Variants in EMG1 observed in about 807,000 individuals in gnomAD.
The protein encoded by EMG1 is ribosomal RNA small subunit methyltransferase NEP1.
A neutral mutation model predicts 26.9 loss-of-function variants in EMG1; 24 were observed. The observed-to-expected ratio is 0.89, with a 90% CI of 0.65 to 1.26. The LOEUF is 1.26. Ranked by LOEUF, EMG1 falls within the 50% of genes most tolerant of loss-of-function variation. EMG1 has a pLI of 0.00. For missense variants in EMG1, 299 were observed against 307.6 expected (o/e 0.97, Z 0.21); for synonymous variants, 140 against 112.6 (o/e 1.24, Z -1.54).
intron 6 of EMG1, among the ~76,000 whole-genome samples, chr12:6,986,228 A>C (rs1946524708): frequency 6.6e-6 from 1 of 152,172 alleles, no homozygotes; most frequent in Non-Finnish European, 1.5e-5. Flanking sequence ...CTGAGATGGC[A>C]ACCCTTTCTC....
At chr12:6,973,325 G>C (rs1946355125) in intron 1 of EMG1, among the ~76,000 whole-genome samples, 1 of 151,980 alleles carries the variant, frequency 6.6e-6, no homozygotes, top group Non-Finnish European at 1.5e-5. Flanking sequence ...GTGCCACCAT[G>C]CCCAGCTAAT....
At chr12:6,980,997 C>T, downstream of EMG1, 4 of 1,580,246 alleles carry the variant, frequency 2.5e-6, no homozygotes, top group African/African-American at 4.1e-5. Flanking sequence ...CCAAGAGGGG[C>T]AATTACCTGT....
intron 1 of EMG1, among the ~76,000 whole-genome samples, chr12:6,972,694 C>A (rs782795481): frequency 2.5e-4 from 38 of 152,174 alleles, no homozygotes. Flanking sequence ...CCATCCTGCC[C>A]TGCTTACTCC....
At chr12:6,985,766 C>G (rs1292851037) in intron 6 of EMG1, among the ~76,000 whole-genome samples, 1 of 150,046 alleles carries the variant, frequency 6.7e-6, no homozygotes, top group Non-Finnish European at 1.5e-5. Context: ...CCAGGATCAA[C>G]TGGTGTTTTT....
downstream of EMG1, chr12:6,982,882 G>A: frequency 5.3e-6 from 4 of 752,372 alleles, no homozygotes; most frequent in Non-Finnish European, 9.1e-6. Flanking sequence ...GTTGGCATCA[G>A]GATCTTTTTT....
intron 1 of EMG1, among the ~76,000 whole-genome samples, chr12:6,973,793 C>A (rs141846218): frequency 1.4e-3 from 209 of 152,146 alleles, no homozygotes; most frequent in Non-Finnish European, 2.1e-3. Context: ...CTGCCCGCCT[C>A]GGCCTCCCAA....
chr12:6,974,673 A>T lies in EMG1; in HGVS notation c.392A>T (p.Asp131Val). 1 of 1,613,890 alleles carries T rather than the reference A, an allele frequency of 6.2e-7. No individual in the cohort carries two copies. The highest frequency in any genetic ancestry group is 8.5e-7 in the Non-Finnish European group (1 of 1,179,878). ...NPQTRIPRTF[D>V]RFCGLMVQLL... ...CAGACCCGAATTCCCAGAACCTTTG[A>T]CCGCTTTTGTGGCCTCATGGGTAAG... The change falls in exon 3 of 6, where the codon GAC becomes GTC. Residue 131 changes from aspartate (D) to valine (V), a missense_variant. By Grantham distance (152) the Asp-to-Val change is radical. Coordinates refer to ENST00000599672, the MANE Select transcript of EMG1 (RefSeq NM_006331.8).
chr12:6,971,149 T>G, intron 1 of EMG1, 58 bp downstream of exon 1: 1 of 1,439,886 alleles, frequency 6.9e-7, no homozygotes. Context: ...CTCCGTGGAA[T>G]GAGGGTAAGG....
Position 6,974,676 on chromosome 12 carries a change from G to A in EMG1, c.395G>A (p.Arg132His). The part of the protein sequence containing the change: ...PQTRIPRTFD[R>H]FCGLMVQLLH... ...ACCCGAATTCCCAGAACCTTTGACC[G>A]CTTTTGTGGCCTCATGGGTAAGAAG... The change falls in exon 3 of 6, where the codon CGC becomes CAC. Residue 132 changes from arginine (R) to histidine (H), a missense_variant. Physicochemically the swap from Arg to His is conservative, Grantham distance 29. Transcript: ENST00000599672. 1.2e-6 allele frequency: 2 copies of A among 1,613,914 alleles called. No homozygotes were observed. Among genetic ancestry groups the A allele is most frequent in the Non-Finnish European group, 1.7e-6 (2 of 1,179,882 alleles).
downstream of EMG1, chr12:6,983,636 A>G (rs782258082): frequency 4.1e-6 from 3 of 727,762 alleles, no homozygotes; most frequent in East Asian, 2.6e-5. Context: ...GCCCAGAGGG[A>G]GAGAGAAAAA....
In EMG1 at chr12:6,976,971, G is replaced by T. The variant is rs1217875453; in HGVS notation, c.*1162G>T. ...CTATAGCCCTTCCAGATGTTTCCTA[G>T]CATGCCTCAATAAGTCACAGTAGTC... On this transcript the variant is annotated 3_prime_UTR_variant, in exon 6 of 6. Transcript: ENST00000599672. 6.7e-6 allele frequency: 4 copies of T among 600,610 alleles called. No individual in the cohort carries two copies. Among genetic ancestry groups the T allele is most frequent in the Non-Finnish European group, 1.2e-5 (4 of 333,286 alleles). 37.2% of individuals were successfully genotyped at this position (600,610 alleles called of 1,614,324 possible).
At chr12:6,986,199 C>A (rs1375215078) in intron 6 of EMG1, among the ~76,000 whole-genome samples, 2 of 152,156 alleles carry the variant, frequency 1.3e-5, no homozygotes, top group African/African-American at 4.8e-5. Context: ...CCTTAGACTT[C>A]CCTCTGCCTC....
At position 6,976,140 on chromosome 12, in the gene EMG1, T is replaced by C. The variant is rs1555153142; in HGVS notation, c.*331T>C. ...CATGTGCTAAAGGAGAGAACCCTGA[T>C]GATGGAGAAGAACTGTGAAAGAGAG... On this transcript the variant is annotated 3_prime_UTR_variant, in exon 6 of 6. Transcript: ENST00000599672. 4.4e-6 allele frequency: 1 copy of C among 228,686 alleles called. No homozygotes were observed. 14.2% of individuals were successfully genotyped at this position (228,686 alleles called of 1,614,324 possible). A position where few individuals can be genotyped will look rare whatever the true frequency, so the allele number is the denominator to read the frequency against.
chr12:6,992,858 A>G (rs782529899), downstream of EMG1, among the ~76,000 whole-genome samples: 1 of 152,224 alleles, frequency 6.6e-6, no homozygotes. Context: ...AATATGGTGT[A>G]GTATTGCATG....
chr12:6,984,785 A>G (rs1487756902), downstream of EMG1, among the ~76,000 whole-genome samples: 3 of 151,712 alleles, frequency 2.0e-5, no homozygotes, highest in African/African-American at 7.3e-5. Context: ...AGTTCTCACT[A>G]TGTTGCCCAG....
chr12:6,975,730 T>C lies in EMG1; in HGVS notation c.656T>C (p.Ile219Thr), dbSNP rs782819014. ...SVEYTEKMVS[I>T]SNYPLSAALT... ...GAGTATACAGAGAAGATGGTGTCCA[T>C]CAGTAACTACCCCCTTTCTGCTGCC... is the stretch of plus-strand genomic sequence containing the variant. The change falls in exon 6 of 6, where the codon ATC becomes ACC. Residue 219 changes from isoleucine to threonine, a missense_variant. Ile to Thr is a moderately conservative substitution (Grantham distance 89, BLOSUM62 -1). Coordinates refer to ENST00000599672, the MANE Select transcript of EMG1 (RefSeq NM_006331.8). 1 of 1,613,392 alleles carries C rather than the reference T, an allele frequency of 6.2e-7. No homozygotes were observed. The highest frequency in any genetic ancestry group is 1.1e-5 in the South Asian group (1 of 91,074).
In EMG1 at chr12:6,978,559, C is replaced by T. The variant is rs1477583784; in HGVS notation, c.*2750C>T. 1.7e-5 allele frequency: 28 copies of T among 1,613,148 alleles called. No homozygotes were observed. The highest frequency in any genetic ancestry group is 2.4e-5 in the Non-Finnish European group (28 of 1,179,430). On this transcript the variant is annotated 3_prime_UTR_variant, in exon 6 of 6. Transcript: ENST00000599672. ...TCTTGCCACTCCCCATACTGGCCCC[C>T]ATGGCTTGTCTAAATAGGACCTTGT...
Position 6,987,905 on chromosome 12 carries a change from C to A in EMG1, c.*211+67C>A. ...GTCCTGAGTTCTGAGTTCTTGTGTCCACTTCTTATAGCCTGTCTGTCCCTT... is the reference window on the plus strand; with the variant it reads ...GTCCTGAGTTCTGAGTTCTTGTGTCAACTTCTTATAGCCTGTCTGTCCCTT... On this transcript the variant is annotated intron_variant and NMD_transcript_variant, in intron 7 of 7. Coordinates refer to the EMG1 transcript ENST00000261406. This position sits in a 1 kb window ranked among gnomAD's most constrained non-coding sequence, Gnocchi z 4.1. 2.5e-6 allele frequency: 1 copy of A among 400,392 alleles called. No homozygotes were observed. Among genetic ancestry groups the A allele is most frequent in the South Asian group, 1.3e-4 (1 of 7,900 alleles). The allele number at this position is 400,392 out of a possible 1,614,324, so 24.8% of individuals were successfully genotyped here.
downstream of EMG1, among the ~76,000 whole-genome samples, chr12:6,990,274 CT>C (rs1174561608): frequency 6.6e-6 from 1 of 151,554 alleles, no homozygotes. Flanking sequence ...CTTCGGGAGG[CT>C]GAGGCGGGCG....
Sources: allele counts gnomAD v4.1 joint callset (sites outside exome capture counted in the v4.1 genomes callset), GRCh38; gene constraint gnomAD v4.1.1; non-coding constraint Gnocchi (gnomAD v3.1); transcripts MANE v1.5; gene names NCBI Gene and HGNC (gene_info 2026-07-23, HGNC 2026-07-21).